RFX2: variants seen among roughly 807,000 people sequenced by gnomAD.
RFX2 encodes DNA-binding protein RFX2.
A neutral mutation model predicts 87.8 loss-of-function variants in RFX2; 20 were observed. The ratio of observed to expected loss-of-function variants is 0.23; its 90% CI spans 0.16 to 0.33. The LOEUF (loss-of-function observed/expected upper bound fraction) is 0.33, where lower values mean the gene tolerates loss of function less well. RFX2 is among the 10% of genes least tolerant of loss of function. The probability of loss-of-function intolerance (pLI) is 1.00; values close to 1 mark genes in which losing one functional copy is unlikely to be tolerated. For synonymous variants in RFX2, 397 were observed against 431.3 expected, an observed-to-expected ratio of 0.92 and a Z score of 0.98; for missense variants, 767 against 1,012.3, an observed-to-expected ratio of 0.76 and a Z score of 3.29.
chr19:6,028,694 G>A (rs1467843769), intron 5 of RFX2, among the ~76,000 whole-genome samples: 2 of 151,776 alleles, frequency 1.3e-5, no homozygotes, highest in South Asian at 2.1e-4. Context: ...TGGCAAACAG[G>A]TGAACCCTTA....
intron 1 of RFX2, among the ~76,000 whole-genome samples, chr19:6,075,276 G>A (rs2087675567): frequency 6.6e-6 from 1 of 151,660 alleles, no homozygotes; most frequent in South Asian, 2.1e-4. Context: ...AGAAGGTGGA[G>A]GAGGAGGAGG....
intron 6 of RFX2, among the ~76,000 whole-genome samples, chr19:6,018,703 G>A (rs1297642204): frequency 6.6e-6 from 1 of 152,242 alleles, no homozygotes; most frequent in Non-Finnish European, 1.5e-5. Context: ...CAGGGGCACT[G>A]CCCACGTGGG....
rs2144774679 is a variant in RFX2, at chr19:6,045,268, T to G, written c.91-986A>C. Among the ~76,000 whole-genome samples the G allele has an allele frequency of 6.6e-6, 1 of 152,260 alleles. No individual in the cohort carries two copies. Among genetic ancestry groups the G allele is most frequent in the East Asian group, 1.9e-4 (1 of 5,172 alleles). ...GCTGGGCGCCGTGTGCTTGGAGAAT[T>G]CACAGGGTCCTGGCAAGTCCTCAGA... is the stretch of plus-strand genomic sequence containing the variant. On this transcript the variant is annotated intron_variant, in intron 2 of 17. Coordinates refer to ENST00000303657, the MANE Select transcript of RFX2 (RefSeq NM_000635.4). The surrounding 1 kb of genome is among the most constrained non-coding windows in gnomAD (Gnocchi z 5.2).
intron 1 of RFX2, among the ~76,000 whole-genome samples, chr19:6,070,204 G>A (rs2087584361): frequency 1.5e-4 from 1 of 6,550 alleles, no homozygotes; most frequent in African/African-American, 4.9e-4. Context: ...GGATGTGGAT[G>A]GGATGGGATG....
rs1204882129 is a variant in RFX2, at chr19:6,047,425, A to T, written c.72T>A (p.Pro24=). Residue 24 remains proline (P), a synonymous_variant, in exon 2 of 18, where the codon CCT becomes CCA. Transcript: ENST00000303657. The surrounding 1 kb of genome is among the most constrained non-coding windows in gnomAD (Gnocchi z 4.2). ...GCGTTACCTGCGGGGAGGCTGGCACAGGCGGGGCTGCCGCCGAGGGACGCA... is the reference window on the plus strand; with the variant it reads ...GCGTTACCTGCGGGGAGGCTGGCACTGGCGGGGCTGCCGCCGAGGGACGCA... The part of the protein sequence containing the change: ...VALRPSAAAP[P]VPASPQRVLV... 2.5e-6 allele frequency: 4 copies of T among 1,598,858 alleles called. No homozygotes were observed. Among genetic ancestry groups the T allele is most frequent in the African/African-American group, 2.7e-5 (2 of 74,720 alleles).
Position 6,007,156 on chromosome 19 carries a change from G to T in RFX2, c.1258C>A (p.Pro420Thr). 9.3e-6 allele frequency: 15 copies of T among 1,613,684 alleles called. No individual in the cohort carries two copies. Among genetic ancestry groups the T allele is most frequent in the Non-Finnish European group, 1.3e-5 (15 of 1,179,904 alleles). ...PTSLPASDED[P>T]EGAVLPKDKL... ...TCCTTGGGCAGGACGGCGCCCTCGG[G>T]GTCTTCGTCACTGTGGAGGGAGGGG... Residue 420 changes from proline to threonine, a missense_variant, in exon 12 of 18, where the codon CCC becomes ACC. Pro to Thr is a conservative substitution (Grantham distance 38). Coordinates refer to ENST00000303657, the MANE Select transcript of RFX2 (RefSeq NM_000635.4). This position sits in a 1 kb window ranked among gnomAD's most constrained non-coding sequence, Gnocchi z 8.2.
chr19:6,007,193 C>T lies in RFX2; in HGVS notation c.1248-27G>A, dbSNP rs773984742. ...TGTGGAGGGAGGGGGGACAGGTGAGCTGTGGCCTGGCCCAGGTGGGCTCAC... is the reference window on the plus strand; with the variant it reads ...TGTGGAGGGAGGGGGGACAGGTGAGTTGTGGCCTGGCCCAGGTGGGCTCAC... On this transcript the variant is annotated intron_variant, in intron 11 of 17. Transcript: ENST00000303657. This position sits in a 1 kb window ranked among gnomAD's most constrained non-coding sequence, Gnocchi z 8.2. 1.3e-5 allele frequency: 21 copies of T among 1,606,968 alleles called. No homozygotes were observed. The South Asian group carries it at 2.2e-4, about 17-fold the overall frequency.
intron 1 of RFX2, among the ~76,000 whole-genome samples, chr19:6,060,216 C>G (rs2087408186): frequency 6.6e-6 from 1 of 152,214 alleles, no homozygotes; most frequent in African/African-American, 2.4e-5. Flanking sequence ...TCCAGACTGT[C>G]TACATCCAGT....
At position 6,021,425 on chromosome 19, in the gene RFX2, G is replaced by A. The variant is rs913541828; in HGVS notation, c.597+4738C>T. The stretch of plus-strand genomic sequence containing the variant: ...CGAATGAGGGCTGATGCCGAGTGCC[G>A]TCAGAGAAATTCACCTGGGAAAGGG... On this transcript the variant is annotated intron_variant, in intron 6 of 17. Coordinates refer to ENST00000303657, the MANE Select transcript of RFX2 (RefSeq NM_000635.4). This position sits in a 1 kb window ranked among gnomAD's most constrained non-coding sequence, Gnocchi z 5.7. Among the ~76,000 whole-genome samples the A allele has an allele frequency of 1.3e-5, 2 of 152,194 alleles. No individual in the cohort carries two copies. Among genetic ancestry groups the A allele is most frequent in the African/African-American group, 2.4e-5 (1 of 41,446 alleles).
At position 6,074,850 on chromosome 19, in the gene RFX2, G is replaced by A. The variant is rs1051708217; in HGVS notation, c.-8-27346C>T. The stretch of plus-strand genomic sequence containing the variant: ...ACATGTGGGGTCACACGGGTCACGT[G>A]AGGAGGCCACCAGAGGGAGCTGGGG... On this transcript the variant is annotated intron_variant, in intron 1 of 17. Coordinates refer to ENST00000303657, the MANE Select transcript of RFX2 (RefSeq NM_000635.4). The surrounding 1 kb of genome is among the most constrained non-coding windows in gnomAD (Gnocchi z 5.2). Among the ~76,000 whole-genome samples the A allele has an allele frequency of 1.3e-5, 2 of 152,214 alleles. No homozygotes were observed. The highest frequency in any genetic ancestry group is 4.8e-5 in the African/African-American group (2 of 41,460).
intron 3 of RFX2, among the ~76,000 whole-genome samples, chr19:6,043,567 C>T (rs2087143250): frequency 1.3e-5 from 2 of 152,256 alleles, no homozygotes; most frequent in African/African-American, 4.8e-5. Flanking sequence ...GTTTTATTGG[C>T]ACACAGCCAC....
chr19:6,054,442 TA>T (rs1470395190), intron 1 of RFX2, among the ~76,000 whole-genome samples: 3 of 152,200 alleles, frequency 2.0e-5, no homozygotes, highest in Non-Finnish European at 4.4e-5. Context: ...GGAAAGTGTT[TA>T]GACTAATATC....
chr19:6,007,901 G>A lies in RFX2; in HGVS notation c.1135-99C>T. 3 of 947,430 alleles carry A rather than the reference G, an allele frequency of 3.2e-6. No homozygotes were observed. The highest frequency in any genetic ancestry group is 2.6e-5 in the East Asian group (1 of 37,896). 58.7% of individuals were successfully genotyped at this position (947,430 alleles called of 1,614,324 possible). On this transcript the variant is annotated intron_variant, in intron 10 of 17. Coordinates refer to ENST00000303657, the MANE Select transcript of RFX2 (RefSeq NM_000635.4). This position sits in a 1 kb window ranked among gnomAD's most constrained non-coding sequence, Gnocchi z 8.2. ...CAGCCGTGATCCGGGCTACAGCGGG[G>A]TGCCCTGGAATCCCAAGGGAGGCCA...
In RFX2 at chr19:6,021,539, T is replaced by G; in HGVS notation, c.597+4624A>C. The stretch of plus-strand genomic sequence containing the variant: ...GGTGGGGGTGTCAGGCAGGGCTCAC[T>G]GAGAAAGTGCCCACTGAGTGAAGAC... On this transcript the variant is annotated intron_variant, in intron 6 of 17. Coordinates refer to ENST00000303657, the MANE Select transcript of RFX2 (RefSeq NM_000635.4). The surrounding 1 kb of genome is among the most constrained non-coding windows in gnomAD (Gnocchi z 5.7). Among the ~76,000 whole-genome samples, 1 of 151,866 alleles carries G rather than the reference T, an allele frequency of 6.6e-6. No individual in the cohort carries two copies.
chr19:6,052,609 G>A (rs1011998988), intron 1 of RFX2, among the ~76,000 whole-genome samples: 6 of 152,230 alleles, frequency 3.9e-5, no homozygotes, highest in African/African-American at 1.4e-4. Context: ...AAATGCACAT[G>A]GAATATTCAC....
chr19:6,056,528 C>G lies in RFX2; in HGVS notation c.-8-9024G>C, dbSNP rs78489413. 4.6e-3 allele frequency among the ~76,000 whole-genome samples: 697 copies of G among 152,252 alleles called. 8 individuals carry two copies. In the East Asian group the frequency reaches 0.071, roughly 16 times the overall value. Reference sequence around the variant, plus strand: ...AGAGGAGAGCGCAGCAGAGAGTGGGCAGAGGGCAGGGCCCCGAGGGCGTGG... The same window carrying G: ...AGAGGAGAGCGCAGCAGAGAGTGGGGAGAGGGCAGGGCCCCGAGGGCGTGG... On this transcript the variant is annotated intron_variant, in intron 1 of 17. Coordinates refer to ENST00000303657, the MANE Select transcript of RFX2 (RefSeq NM_000635.4). The surrounding 1 kb of genome is among the most constrained non-coding windows in gnomAD (Gnocchi z 4.6).
chr19:6,001,270 T>C lies in RFX2; in HGVS notation c.1859+545A>G, dbSNP rs955365969. 2.1e-4 allele frequency among the ~76,000 whole-genome samples: 32 copies of C among 152,178 alleles called. No homozygotes were observed. The highest frequency in any genetic ancestry group is 7.7e-4 in the African/African-American group (32 of 41,444). On this transcript the variant is annotated intron_variant, in intron 15 of 17. Transcript: ENST00000303657. The surrounding 1 kb of genome is among the most constrained non-coding windows in gnomAD (Gnocchi z 5.6). Reference sequence around the variant, plus strand: ...GCCCTTCAGTTCTGAGATAGCTTTGTTCCCCCCTTAGAGATGGGGTCTTGC... The same window carrying C: ...GCCCTTCAGTTCTGAGATAGCTTTGCTCCCCCCTTAGAGATGGGGTCTTGC...
rs528734903 is a variant in RFX2 at position 6,021,964 on chromosome 19, G to C, written c.597+4199C>G. Among the ~76,000 whole-genome samples the C allele has an allele frequency of 4.6e-5, 7 of 152,218 alleles. No individual in the cohort carries two copies. The East Asian group carries it at 1.4e-3, about 29-fold the overall frequency. On this transcript the variant is annotated intron_variant, in intron 6 of 17. Coordinates refer to ENST00000303657, the MANE Select transcript of RFX2 (RefSeq NM_000635.4). This position sits in a 1 kb window ranked among gnomAD's most constrained non-coding sequence, Gnocchi z 5.7. ...GGGAAGTAGTCGAAGTGGAGGAGGT[G>C]GGGGGTGCCACCTGGTTCTGGATCT...
chr19:6,045,666 G>T lies in RFX2; in HGVS notation c.91-1384C>A, dbSNP rs28393650. Among the ~76,000 whole-genome samples the T allele has an allele frequency of 0.18, 27,396 of 151,248 alleles. 7,511 individuals are homozygous for T. Among genetic ancestry groups the T allele is most frequent in the African/African-American group, 0.6 (24,449 of 40,760 alleles). ...TGTTTTTGCGGAATTGTGTTTTTTT[G>T]TTTTTGTTTTTTTGTGTTTTTTGGG... On this transcript the variant is annotated intron_variant, in intron 2 of 17. Transcript: ENST00000303657. The surrounding 1 kb of genome is among the most constrained non-coding windows in gnomAD (Gnocchi z 5.2).
Sources: allele counts gnomAD v4.1 joint callset (sites outside exome capture counted in the v4.1 genomes callset), GRCh38; gene constraint gnomAD v4.1.1; non-coding constraint Gnocchi (gnomAD v3.1); transcripts MANE v1.5; gene names NCBI Gene and HGNC (gene_info 2026-07-23, HGNC 2026-07-21).